Variants in SPART observed in about 807,000 individuals in gnomAD.
SPART encodes spartin, also known as spastic paraplegia 20 (Troyer syndrome).
In SPART, 35 loss-of-function variants were observed where a neutral mutation model predicts 58.7. That is an observed-to-expected ratio of 0.60 (90% confidence interval 0.46 to 0.79). The LOEUF is 0.79. SPART is among the 30% of genes least tolerant of loss of function. SPART has a pLI of 0.00. For synonymous variants in SPART, 284 were observed against 280.7 expected (o/e 1.01, Z -0.12); for missense variants, 730 against 786.1 (o/e 0.93, Z 0.85).
intron 1 of SPART, among the ~76,000 whole-genome samples, chr13:36,358,190 T>A (rs1377740374): frequency 6.6e-6 from 1 of 152,256 alleles, no homozygotes; most frequent in Admixed American, 6.5e-5. Flanking sequence ...TTTTTACAGT[T>A]AAAATTTTCA....
chr13:36,352,223 T>A (rs1383820883), intron 1 of SPART, among the ~76,000 whole-genome samples: 2 of 152,238 alleles, frequency 1.3e-5, no homozygotes, highest in East Asian at 3.8e-4. Context: ...ATAATTGTGA[T>A]GTTCTTAGTA....
chr13:36,357,144 G>T (rs1328923371), intron 1 of SPART, among the ~76,000 whole-genome samples: 3 of 152,176 alleles, frequency 2.0e-5, no homozygotes, highest in Non-Finnish European at 4.4e-5. Flanking sequence ...TCCTTGGAGT[G>T]AGGCAGAGCG....
At chr13:36,317,372 G>C (rs903627795) in intron 5 of SPART, among the ~76,000 whole-genome samples, 4 of 151,892 alleles carry the variant, frequency 2.6e-5, no homozygotes, top group Admixed American at 2.6e-4. Flanking sequence ...CTAGAGGAGG[G>C]GCAAGTACCC....
intron 6 of SPART, among the ~76,000 whole-genome samples, chr13:36,313,147 A>T (rs540579451): frequency 6.6e-5 from 10 of 152,314 alleles, no homozygotes; most frequent in African/African-American, 1.7e-4. Context: ...GGTTGGCACC[A>T]GAATCACTAA....
intron 1 of SPART, among the ~76,000 whole-genome samples, chr13:36,340,622 C>T (rs981236549): frequency 1.3e-5 from 2 of 152,082 alleles, no homozygotes; most frequent in South Asian, 2.1e-4. Flanking sequence ...CTTCTGTTTG[C>T]TGGGTACCAT....
intron 1 of SPART, among the ~76,000 whole-genome samples, chr13:36,363,384 TG>T (rs1467101969): frequency 3.9e-5 from 6 of 152,100 alleles, no homozygotes; most frequent in Non-Finnish European, 8.8e-5. Flanking sequence ...TCCCTCTTTT[TG>T]TCTGTCTCTC....
intron 1 of SPART, among the ~76,000 whole-genome samples, chr13:36,340,474 A>G (rs1884469296): frequency 6.6e-6 from 1 of 152,172 alleles, no homozygotes; most frequent in African/African-American, 2.4e-5. Flanking sequence ...ATACTTACAC[A>G]CAAAAAAAGA....
At chr13:36,359,264 C>A (rs1380362275) in intron 1 of SPART, among the ~76,000 whole-genome samples, 1 of 152,162 alleles carries the variant, frequency 6.6e-6, no homozygotes, top group African/African-American at 2.4e-5. Flanking sequence ...TTACATAACA[C>A]GGTCAAGGTC....
intron 8 of SPART, among the ~76,000 whole-genome samples, chr13:36,307,316 A>C (rs1880605810): frequency 6.6e-6 from 1 of 152,150 alleles, no homozygotes; most frequent in African/African-American, 2.4e-5. Context: ...AAATTTCTCC[A>C]ATGTGTTCAG....
In SPART at chr13:36,312,358, G is replaced by T. The variant is rs1208538781; in HGVS notation, c.1603C>A (p.Leu535Met). Residue 535 changes from leucine (L) to methionine (M), a missense_variant, in exon 7 of 9, where the codon CTG becomes ATG. Leu to Met is a conservative substitution (Grantham distance 15). Coordinates refer to ENST00000438666, the MANE Select transcript of SPART (RefSeq NM_015087.5). ...GCTGCTACAACCATAGCACCATCCA[G>T]AGGAGATTTCCCATCTTTGTCTTTT... is the stretch of plus-strand genomic sequence containing the variant. ...LKKDKDGKSP[L>M]DGAMVVAASS... is the part of the protein sequence containing the mutation. The T allele has an allele frequency of 2.5e-6, 4 of 1,614,050 alleles. No individual in the cohort carries two copies. In the East Asian group the frequency reaches 8.9e-5, roughly 36 times the overall value.
At chr13:36,329,562 T>C (rs748210013) in intron 3 of SPART, 45 bp from the exon 4 acceptor site, 38 of 1,599,378 alleles carry the variant, frequency 2.4e-5, no homozygotes, top group Middle Eastern at 1.7e-4. Context: ...GAATTTTTCT[T>C]AGATGGCTTT....
At chr13:36,318,928 C>T (rs1220398753) in intron 5 of SPART, among the ~76,000 whole-genome samples, 1 of 152,116 alleles carries the variant, frequency 6.6e-6, no homozygotes, top group Non-Finnish European at 1.5e-5. Context: ...TGACACTGCC[C>T]GATCGCCTCG....
At chr13:36,361,377 C>T (rs987507661) in intron 1 of SPART, among the ~76,000 whole-genome samples, 6 of 152,072 alleles carry the variant, frequency 3.9e-5, no homozygotes, top group African/African-American at 1.4e-4. Context: ...TTTTTTCAAT[C>T]GCTTTGCATC....
intron 5 of SPART, among the ~76,000 whole-genome samples, chr13:36,315,682 A>T (rs1307457828): frequency 6.6e-6 from 1 of 152,238 alleles, no homozygotes; most frequent in Non-Finnish European, 1.5e-5. Flanking sequence ...ACAGGCTTCC[A>T]TAAACAACAA....
intron 1 of SPART, among the ~76,000 whole-genome samples, chr13:36,340,236 G>A (rs1029868506): frequency 7.9e-5 from 12 of 151,600 alleles, no homozygotes; most frequent in African/African-American, 1.2e-4. Flanking sequence ...GGTGGCAGGC[G>A]CCTGTAGTCC....
chr13:36,367,518 C>A (rs1475370914), intron 1 of SPART, among the ~76,000 whole-genome samples: 2 of 152,130 alleles, frequency 1.3e-5, no homozygotes, highest in African/African-American at 4.8e-5. Flanking sequence ...GCTTTGGAGA[C>A]CCATCCCTCT....
chr13:36,343,504 T>C (rs561345426), intron 1 of SPART, among the ~76,000 whole-genome samples: 1 of 152,330 alleles, frequency 6.6e-6, no homozygotes, highest in East Asian at 1.9e-4. Context: ...TGTGGGAAAC[T>C]GCATTCTTTT....
chr13:36,329,210 C>G (rs1311491098), intron 4 of SPART, 152 bp downstream of exon 4: 1 of 817,124 alleles, frequency 1.2e-6, no homozygotes, highest in African/African-American at 1.7e-5. Context: ...AATACTACAA[C>G]TGATTCTAAT....
intron 8 of SPART, among the ~76,000 whole-genome samples, chr13:36,310,650 C>A (rs1008462738): frequency 6.6e-6 from 1 of 152,254 alleles, no homozygotes; most frequent in African/African-American, 2.4e-5. Context: ...ACCCAACACA[C>A]CCCCACAGCT....
Sources: allele counts gnomAD v4.1 joint callset (sites outside exome capture counted in the v4.1 genomes callset), GRCh38; gene constraint gnomAD v4.1.1; transcripts MANE v1.5; gene names NCBI Gene and HGNC (gene_info 2026-07-23, HGNC 2026-07-21).